Variants in FANCB observed in about 807,000 individuals in gnomAD.
FANCB encodes FA complementation group B.
FANCB carries 5 observed loss-of-function variants against 38.9 expected under a neutral mutation model. The observed-to-expected ratio is 0.13, with a 90% CI of 0.07 to 0.27. The LOEUF (loss-of-function observed/expected upper bound fraction) is 0.27, where lower values mean the gene tolerates loss of function less well. FANCB is among the 10% of genes least tolerant of loss of function. The pLI is 1.00. For synonymous variants in FANCB, 236 were observed against 215.4 expected (o/e 1.10, Z -0.84); for missense variants, 573 against 602.7 (o/e 0.95, Z 0.52).
the FANCB span, among the ~76,000 whole-genome samples, chrX:14,819,207 C>T: frequency 2.7e-5 from 3 of 111,621 alleles, no homozygotes; most frequent in Admixed American, 1.9e-4. Flanking sequence ...CAGGGTTGTC[C>T]CATGACATAA....
chrX:14,735,956 C>T, the FANCB span, among the ~76,000 whole-genome samples: 2 of 111,825 alleles, frequency 1.8e-5, no homozygotes, highest in African/African-American at 6.5e-5. Context: ...TCTAGAGAGG[C>T]AGTCTGGCTA....
the FANCB span, among the ~76,000 whole-genome samples, chrX:14,809,291 C>T: frequency 5.3e-5 from 6 of 112,501 alleles, no homozygotes; most frequent in East Asian, 5.6e-4. Flanking sequence ...ATCTGAGGTA[C>T]GGGGTTCATC....
chrX:14,734,918 G>A, the FANCB span, among the ~76,000 whole-genome samples: 154 of 105,355 alleles, frequency 1.5e-3, no homozygotes, highest in Non-Finnish European at 2.3e-3. Flanking sequence ...GGCTTTGTTC[G>A]GTTTTTTTTT....
the FANCB span, among the ~76,000 whole-genome samples, chrX:14,704,250 T>A: frequency 8.9e-6 from 1 of 112,710 alleles, no homozygotes; most frequent in Non-Finnish European, 1.9e-5. Context: ...TTTATGTCCC[T>A]GAAATCAAGC....
downstream of FANCB, chrX:14,835,921 T>C (rs1054108109): frequency 2.7e-5 from 3 of 112,339 alleles, no homozygotes; most frequent in Non-Finnish European, 5.6e-5. Context: ...CTCACTTCTG[T>C]GTATATATCC....
At chrX:14,785,199 A>G in the FANCB span, among the ~76,000 whole-genome samples, 6 of 112,229 alleles carry the variant, frequency 5.3e-5, no homozygotes, top group Non-Finnish European at 9.4e-5. Flanking sequence ...TCTTGTGATA[A>G]CAGTGGGCCC....
the FANCB span, among the ~76,000 whole-genome samples, chrX:14,775,170 T>TTTC: frequency 1.1e-5 from 1 of 95,027 alleles, no homozygotes; most frequent in African/African-American, 3.8e-5. Context: ...GTTTTTTTTT[T>TTTC]TTTTTTTTTT....
the FANCB span, among the ~76,000 whole-genome samples, chrX:14,813,322 T>C: frequency 1.6e-4 from 17 of 105,614 alleles, no homozygotes; most frequent in African/African-American, 4.2e-4. Flanking sequence ...CCAGGGCAAT[T>C]AGGCAGGAGA....
chrX:14,864,622 G>A lies in FANCB; in HGVS notation c.889C>T (p.Leu297Phe), dbSNP rs758872342. The A allele has an allele frequency of 8.3e-7, 1 of 1,208,948 alleles. No individual in the cohort carries two copies. The highest frequency in any genetic ancestry group is 1.1e-6 in the Non-Finnish European group (1 of 892,920). ...GATATAAAGGATACAACGAAAAAGA[G>A]GTTTCCTCCACCTGAATCCATAAGT... is the stretch of plus-strand genomic sequence containing the variant. ...VQLMDSGGGNLFFVVSFISNN... is the reference protein window; with the variant it reads ...VQLMDSGGGNFFFVVSFISNN... Residue 297 changes from leucine to phenylalanine, a missense_variant, in exon 3 of 10, where the codon CTC becomes TTC. Leu to Phe is a conservative substitution (Grantham distance 22). Transcript: ENST00000650831.
At chrX:14,841,808 A>T (rs1217540226), downstream of FANCB, among the ~76,000 whole-genome samples, 2 of 111,745 alleles carry the variant, frequency 1.8e-5, no homozygotes, top group Admixed American at 1.9e-4. Flanking sequence ...TCTAGTTTGT[A>T]GTAAGTTAAA....
the FANCB span, among the ~76,000 whole-genome samples, chrX:14,761,446 G>T: frequency 9.0e-6 from 1 of 111,335 alleles, no homozygotes; most frequent in African/African-American, 3.3e-5. Flanking sequence ...TAAGGCAGGG[G>T]GGTAGAGAAA....
the FANCB span, among the ~76,000 whole-genome samples, chrX:14,821,697 C>T: frequency 9.0e-6 from 1 of 111,258 alleles, no homozygotes; most frequent in Non-Finnish European, 1.9e-5. Flanking sequence ...CTGTTAAGCC[C>T]CCAGAACTGA....
the FANCB span, among the ~76,000 whole-genome samples, chrX:14,692,553 A>G: frequency 8.9e-6 from 1 of 112,019 alleles, no homozygotes; most frequent in Non-Finnish European, 1.9e-5. Context: ...AGACTCACCT[A>G]GGACCCTTGT....
chrX:14,739,286 A>G, the FANCB span, among the ~76,000 whole-genome samples: 1 of 111,903 alleles, frequency 8.9e-6, no homozygotes, highest in African/African-American at 3.2e-5. Flanking sequence ...CCTAACAACA[A>G]TCCAAGGTGC....
At chrX:14,757,049 T>C in the FANCB span, among the ~76,000 whole-genome samples, 1 of 112,324 alleles carries the variant, frequency 8.9e-6, no homozygotes, top group Non-Finnish European at 1.9e-5. Context: ...AGAATAGCTA[T>C]TATTAAAAAG....
intron 3 of FANCB, among the ~76,000 whole-genome samples, chrX:14,863,963 C>T (rs1343312937): frequency 9.0e-6 from 1 of 110,939 alleles, no homozygotes; most frequent in Non-Finnish European, 1.9e-5. Context: ...GGTAAAACCC[C>T]ATCTCTACTA....
chrX:14,777,790 G>T, the FANCB span, among the ~76,000 whole-genome samples: 1 of 112,275 alleles, frequency 8.9e-6, no homozygotes, highest in Non-Finnish European at 1.9e-5. Context: ...CCAACAAAAT[G>T]TAACAGGAAA....
At chrX:14,815,555 T>C in the FANCB span, among the ~76,000 whole-genome samples, 1 of 112,496 alleles carries the variant, frequency 8.9e-6, no homozygotes, top group East Asian at 2.8e-4. Flanking sequence ...GGAACACTTA[T>C]ACACTGTTAG....
chrX:14,862,904 C>T (rs1238346460), intron 3 of FANCB, among the ~76,000 whole-genome samples: 3 of 111,842 alleles, frequency 2.7e-5, no homozygotes, highest in Non-Finnish European at 5.6e-5. Flanking sequence ...TACAGTAAAA[C>T]ACTATAGGGT....
Sources: gnomAD v4.1 joint callset for allele counts (sites outside exome capture counted in the v4.1 genomes callset) on GRCh38, gnomAD v4.1.1 for gene constraint, MANE v1.5 for transcripts, NCBI Gene and HGNC (gene_info 2026-07-23, HGNC 2026-07-21) for gene names.